Variants in ALKBH8 observed in about 807,000 individuals in gnomAD.
ALKBH8 encodes the protein alkB homolog 8, tRNA methyltransferase, also known as tRNA (carboxymethyluridine(34)-5-O)-methyltransferase ALKBH8.
A neutral mutation model predicts 59.8 loss-of-function variants in ALKBH8; 36 were observed. That is an observed-to-expected ratio of 0.60 (90% CI 0.46 to 0.79). ALKBH8 has a LOEUF of 0.79. ALKBH8 is among the 30% of genes least tolerant of loss of function. The pLI, the probability that ALKBH8 is intolerant of heterozygous loss-of-function variation, is 0.00. For synonymous variants in ALKBH8, 276 were observed against 273.6 expected (o/e 1.01, Z -0.09); for missense variants, 768 against 801.0 (o/e 0.96, Z 0.50).
intron 7 of ALKBH8, among the ~76,000 whole-genome samples, chr11:107,541,114 A>G (rs1284390923): frequency 6.6e-6 from 1 of 152,176 alleles, no homozygotes; most frequent in Non-Finnish European, 1.5e-5. Flanking sequence ...ATTGCTCCCC[A>G]TGAGGAAAAG....
At position 107,553,883 on chromosome 11, in the gene ALKBH8, T is replaced by C. The variant is rs779724639; in HGVS notation, c.463A>G (p.Ser155Gly). ...SSEEEKMLLE[S>G]VDWTEDTDNQ... ...TCTGTATCTTCTGTCCAATCAACAC[T>C]TTCCAAAAGCATTTTCTCCTCCTCA... Residue 155 changes from serine (S) to glycine (G), a missense_variant, in exon 4 of 12, where the codon AGT becomes GGT. Ser to Gly is a moderately conservative substitution (Grantham distance 56). Coordinates refer to ENST00000428149, the MANE Select transcript of ALKBH8 (RefSeq NM_138775.3). The C allele has an allele frequency of 6.2e-7, 1 of 1,613,808 alleles. No individual in the cohort carries two copies. Among genetic ancestry groups the C allele is most frequent in the Non-Finnish European group, 8.5e-7 (1 of 1,179,780 alleles).
intron 7 of ALKBH8, among the ~76,000 whole-genome samples, chr11:107,537,094 A>C (rs1296463329): frequency 6.6e-6 from 1 of 152,216 alleles, no homozygotes; most frequent in East Asian, 1.9e-4. Flanking sequence ...GAAAATTCAT[A>C]ATTCCATTTC....
intron 9 of ALKBH8, among the ~76,000 whole-genome samples, chr11:107,525,215 A>T (rs1012790889): frequency 6.6e-6 from 1 of 152,202 alleles, no homozygotes; most frequent in African/African-American, 2.4e-5. Flanking sequence ...TCAAGTACTA[A>T]GTTTGGAAAA....
At chr11:107,560,964 G>A (rs780587385) in intron 1 of ALKBH8, 65 bp from the exon 2 acceptor site, 19 of 1,378,154 alleles carry the variant, frequency 1.4e-5, no homozygotes, top group Non-Finnish European at 1.8e-5. Context: ...TTATAATGAT[G>A]TTATTCATAC....
At chr11:107,531,695 T>C (rs1429064758) in intron 8 of ALKBH8, among the ~76,000 whole-genome samples, 2 of 152,252 alleles carry the variant, frequency 1.3e-5, no homozygotes, top group African/African-American at 4.8e-5. Flanking sequence ...TGTGGTTTTA[T>C]AGAACAGAGC....
At chr11:107,533,784 A>G in intron 7 of ALKBH8, among the ~76,000 whole-genome samples, 1 of 152,222 alleles carries the variant, frequency 6.6e-6, no homozygotes, top group East Asian at 1.9e-4. Flanking sequence ...GAATCTAGCT[A>G]GTAGACATAT....
At chr11:107,564,403 C>T (rs539943298) in intron 1 of ALKBH8, among the ~76,000 whole-genome samples, 2 of 152,166 alleles carry the variant, frequency 1.3e-5, no homozygotes, top group South Asian at 4.1e-4. Context: ...TTTGCACAAC[C>T]TAATAATTAA....
Position 107,511,050 on chromosome 11 carries a change from G to A in ALKBH8, c.1288-14C>T. The A allele has an allele frequency of 2.6e-6, 4 of 1,550,372 alleles. No individual in the cohort carries two copies. Among genetic ancestry groups the A allele is most frequent in the Non-Finnish European group, 3.5e-6 (4 of 1,146,438 alleles). ...ATCACAACCAATCTGTAACAGAGAA[G>A]GAATTCCATAACATTTTGTTTAAAT... On this transcript the variant is annotated splice_polypyrimidine_tract_variant and intron_variant, in intron 10 of 11. Transcript: ENST00000428149.
chr11:107,521,907 T>C (rs529478591), intron 10 of ALKBH8, among the ~76,000 whole-genome samples: 2 of 152,204 alleles, frequency 1.3e-5, no homozygotes, highest in African/African-American at 2.4e-5. Context: ...GAAATTAATA[T>C]GATCACTGTG....
At chr11:107,535,724 A>T (rs1451670482) in intron 7 of ALKBH8, among the ~76,000 whole-genome samples, 1 of 152,152 alleles carries the variant, frequency 6.6e-6, no homozygotes, top group Non-Finnish European at 1.5e-5. Context: ...ATGCTTGTCC[A>T]CAGTTCCTTG....
rs959462993 is a variant in ALKBH8 at position 107,504,175 on chromosome 11, A to T, written c.*483T>A. The T allele has an allele frequency of 7.5e-6, 2 of 265,402 alleles. No homozygotes were observed. Among genetic ancestry groups the T allele is most frequent in the Admixed American group, 1.0e-4 (2 of 19,666 alleles). The allele number at this position is 265,402 out of a possible 1,614,324, so 16.4% of individuals were successfully genotyped here. ...GTTATTGGACACCCGCTATACGTCC[A>T]GCCCTGGGCTAGTCAGGCATGGAAA... On this transcript the variant is annotated 3_prime_UTR_variant, in exon 12 of 12. Coordinates refer to ENST00000428149, the MANE Select transcript of ALKBH8 (RefSeq NM_138775.3).
At chr11:107,522,257 TG>T in intron 10 of ALKBH8, 41 bp downstream of exon 10, 2 of 1,545,104 alleles carry the variant, frequency 1.3e-6, no homozygotes, top group Non-Finnish European at 1.7e-6. Context: ...TGATAACCAC[TG>T]CAAATTAAGC....
At chr11:107,506,687 G>A (rs1466496828) in intron 11 of ALKBH8, among the ~76,000 whole-genome samples, 2 of 152,038 alleles carry the variant, frequency 1.3e-5, no homozygotes, top group East Asian at 1.9e-4. Context: ...AGTGTCAATC[G>A]AGAATTTAAT....
intron 7 of ALKBH8, among the ~76,000 whole-genome samples, chr11:107,548,530 G>A (rs1308096068): frequency 3.3e-5 from 5 of 152,170 alleles, no homozygotes; most frequent in Admixed American, 3.3e-4. Context: ...AAACCAGAGA[G>A]AGAAGAGTGT....
chr11:107,560,411 ACATAT>A (rs1864890166), intron 2 of ALKBH8, among the ~76,000 whole-genome samples: 1 of 152,160 alleles, frequency 6.6e-6, no homozygotes, highest in South Asian at 2.1e-4. Context: ...ATCAATGGAG[ACATAT>A]CATAACCTCT....
At chr11:107,511,499 A>AT (rs970741734) in intron 10 of ALKBH8, among the ~76,000 whole-genome samples, 1 of 151,990 alleles carries the variant, frequency 6.6e-6, no homozygotes, top group African/African-American at 2.4e-5. Context: ...AGGATAGGCA[A>AT]TTTTTTTTCT....
chr11:107,533,805 T>C (rs1863697075), intron 7 of ALKBH8, among the ~76,000 whole-genome samples: 1 of 152,224 alleles, frequency 6.6e-6, no homozygotes, highest in South Asian at 2.1e-4. Flanking sequence ...AAGTATTTAC[T>C]GTACAATTCT....
In ALKBH8 at chr11:107,522,346, CA is replaced by C; in HGVS notation, c.1239del (p.Ile413MetfsTer17). 1.3e-6 allele frequency: 2 copies of C among 1,551,626 alleles called. No homozygotes were observed. Among genetic ancestry groups the C allele is most frequent in the Non-Finnish European group, 1.7e-6 (2 of 1,146,968 alleles). On this transcript the variant is annotated frameshift_variant, in exon 10 of 12. Transcript: ENST00000428149. LOFTEE classifies it high-confidence loss of function. ...CCAAGATACTTTCCATTACCACATCCAATATCAGCCACTATTGAACCACTTG... is the reference window on the plus strand; with the variant it reads ...CCAAGATACTTTCCATTACCACATCCATATCAGCCACTATTGAACCACTTG... ...ALPSGSIVAD[I>X]GCGNGKYLGI... is the part of the protein sequence containing the mutation.
chr11:107,535,853 C>G (rs1863793835), intron 7 of ALKBH8, among the ~76,000 whole-genome samples: 1 of 151,950 alleles, frequency 6.6e-6, no homozygotes, highest in Admixed American at 6.6e-5. Context: ...TGAGGGTACA[C>G]TGACAGCCTA....
Sources: allele counts gnomAD v4.1 joint callset (sites outside exome capture counted in the v4.1 genomes callset), GRCh38; gene constraint gnomAD v4.1.1; transcripts MANE v1.5; gene names NCBI Gene and HGNC (gene_info 2026-07-23, HGNC 2026-07-21).